Variants in SLC6A20 observed in about 807,000 individuals in gnomAD.
SLC6A20 encodes the protein solute carrier family 6 member 20, also known as sodium- and chloride-dependent transporter XTRP3.
A neutral mutation model predicts 64.3 loss-of-function variants in SLC6A20; 73 were observed. The observed-to-expected ratio is 1.14, with a 90% confidence interval of 0.94 to 1.38. The LOEUF is 1.38. SLC6A20 is among the 40% of genes most tolerant of loss of function. SLC6A20 has a pLI of 0.00. For synonymous variants in SLC6A20, 347 were observed against 329.6 expected, an observed-to-expected ratio of 1.05 and a Z score of -0.57; for missense variants, 725 against 772.8, an observed-to-expected ratio of 0.94 and a Z score of 0.73.
At chr3:45,775,739 C>A (rs575001121) in intron 4 of SLC6A20, 22 bp downstream of exon 4, 5 of 1,604,410 alleles carry the variant, frequency 3.1e-6, no homozygotes. Flanking sequence ...GAGCACCGGG[C>A]TTCTGTGCCT....
At chr3:45,780,824 T>C (rs929197670) in intron 2 of SLC6A20, among the ~76,000 whole-genome samples, 11 of 152,102 alleles carry the variant, frequency 7.2e-5, no homozygotes, top group African/African-American at 2.4e-4. Context: ...ATTTACCCCA[T>C]AGGCATCCGC....
chr3:45,759,991 G>C lies in SLC6A20; in HGVS notation c.1495C>G (p.Arg499Gly), dbSNP rs551737950. The part of the protein sequence containing the change: ...FESDLKAMTG[R>G]AVSWYWKVMW... ...ACCTTCCAGTACCAGCTCACAGCTC[G>C]GCCGGTCATGGCCTTAAGGTCACTT... Residue 499 changes from arginine to glycine, a missense_variant, in exon 10 of 11, where the codon CGA becomes GGA. Transcript: ENST00000358525. The C allele has an allele frequency of 6.2e-7, 1 of 1,612,502 alleles. No homozygotes were observed. The highest frequency in any genetic ancestry group is 2.2e-5 in the East Asian group (1 of 44,868).
At chr3:45,778,867 AAAG>A (rs1700021019) in intron 3 of SLC6A20, among the ~76,000 whole-genome samples, 1 of 152,154 alleles carries the variant, frequency 6.6e-6, no homozygotes, top group South Asian at 2.1e-4. Context: ...TGAACCAGGG[AAAG>A]AAGGAGGGAC....
chr3:45,763,556 G>T (rs1332040208), intron 8 of SLC6A20, among the ~76,000 whole-genome samples: 3 of 152,214 alleles, frequency 2.0e-5, no homozygotes, highest in Non-Finnish European at 2.9e-5. Context: ...GCAGGGAAGA[G>T]ACAAATGTCC....
At chr3:45,782,968 G>A (rs1700122128) in intron 1 of SLC6A20, among the ~76,000 whole-genome samples, 1 of 152,246 alleles carries the variant, frequency 6.6e-6, no homozygotes, top group Non-Finnish European at 1.5e-5. Context: ...CAATTGTGTT[G>A]TTAAATATGT....
intron 4 of SLC6A20, among the ~76,000 whole-genome samples, chr3:45,773,511 C>T (rs143917235): frequency 7.2e-4 from 110 of 152,258 alleles, no homozygotes; most frequent in African/African-American, 2.4e-3. Context: ...TTCAAGTGCA[C>T]GTGTGCCTAT....
intron 1 of SLC6A20, among the ~76,000 whole-genome samples, chr3:45,785,533 G>A (rs1390887811): frequency 5.3e-5 from 8 of 151,786 alleles, no homozygotes; most frequent in Non-Finnish European, 1.2e-4. Context: ...ACTCAGACTG[G>A]CTTTCCTTGA....
At chr3:45,790,800 T>C (rs1158213684) in intron 1 of SLC6A20, among the ~76,000 whole-genome samples, 1 of 152,232 alleles carries the variant, frequency 6.6e-6, no homozygotes, top group African/African-American at 2.4e-5. Flanking sequence ...TAGCCTGTTA[T>C]TTGGGGCCCT....
At chr3:45,779,471 T>G (rs1700031799) in intron 3 of SLC6A20, among the ~76,000 whole-genome samples, 1 of 152,182 alleles carries the variant, frequency 6.6e-6, no homozygotes, top group South Asian at 2.1e-4. Flanking sequence ...ATGGCCCTAT[T>G]GTGTTACAGG....
At chr3:45,781,876 C>G (rs1700090535) in intron 2 of SLC6A20, among the ~76,000 whole-genome samples, 1 of 152,174 alleles carries the variant, frequency 6.6e-6, no homozygotes, top group Non-Finnish European at 1.5e-5. Context: ...TCCTCCCTGT[C>G]TTACCGCCCT....
At chr3:45,782,894 C>A (rs959227274) in intron 1 of SLC6A20, among the ~76,000 whole-genome samples, 2 of 152,246 alleles carry the variant, frequency 1.3e-5, no homozygotes, top group African/African-American at 2.4e-5. Context: ...ACTGTCCCAG[C>A]CCTTCTGCCA....
At chr3:45,773,346 T>A (rs368097980) in intron 4 of SLC6A20, among the ~76,000 whole-genome samples, 65 of 152,244 alleles carry the variant, frequency 4.3e-4, no homozygotes, top group African/African-American at 1.5e-3. Context: ...TACACCTGAA[T>A]GGACATTTTT....
At chr3:45,761,227 C>CA (rs1300708237) in intron 9 of SLC6A20, among the ~76,000 whole-genome samples, 2 of 151,622 alleles carry the variant, frequency 1.3e-5, no homozygotes, top group African/African-American at 4.9e-5. Context: ...CCCATAACCC[C>CA]CCCCCCTTTC....
In SLC6A20 at chr3:45,759,931, T is replaced by C. The variant is rs746260348; in HGVS notation, c.1555A>G (p.Ser519Gly). 39 of 1,614,068 alleles carry C rather than the reference T, an allele frequency of 2.4e-5. No homozygotes were observed. Among genetic ancestry groups the C allele is most frequent in the Non-Finnish European group, 2.6e-5 (31 of 1,180,034 alleles). Residue 519 changes from serine to glycine, a missense_variant, in exon 10 of 11, where the codon AGC (serine) becomes GGC (glycine). Transcript: ENST00000358525. ...WAGVSPLLIV[S>G]LFVFYLSDYI... ...TCGCTCAGGTAGAAGACAAAGAGGC[T>C]GACAATCAGCAGTGGGCTTACGCCA...
rs769208739 is a variant in SLC6A20 at position 45,776,964 on chromosome 3, C to T, written c.355-976G>A. ...TGGTGCATGCATCATGACCATGACCCGAGGCCAAGTGGTAAACAGTGGTGC... is the reference window on the plus strand; with the variant it reads ...TGGTGCATGCATCATGACCATGACCTGAGGCCAAGTGGTAAACAGTGGTGC... On this transcript the variant is annotated intron_variant, in intron 3 of 10. Transcript: ENST00000358525. 1.1e-3 allele frequency among the ~76,000 whole-genome samples: 162 copies of T among 152,190 alleles called. 1 individual carries two copies. The highest frequency in any genetic ancestry group is 1.0e-3 in the Non-Finnish European group (71 of 67,998).
chr3:45,771,444 G>A lies in SLC6A20; in HGVS notation c.708C>T (p.Ala236=), dbSNP rs773238492. 3.7e-6 allele frequency: 6 copies of A among 1,614,088 alleles called. No homozygotes were observed. The highest frequency in any genetic ancestry group is 2.7e-5 in the African/African-American group (2 of 74,926). The change falls in exon 6 of 11, where the codon GCC becomes GCT. Residue 236 remains alanine (A), a synonymous_variant. Coordinates refer to ENST00000358525, the MANE Select transcript of SLC6A20 (RefSeq NM_020208.4). ...CTGCATTGATCCAGGCCTTGGGGTT[G>A]GCCAGCTGCTCTATCTGGAAGGCCA... ...YMFTPKIEQL[A]NPKAWINAAT... is the part of the protein sequence containing the mutation.
rs1414883535 is a variant in SLC6A20, at chr3:45,765,063, A to G, written c.1303+474T>C. Reference sequence around the variant, plus strand: ...CCCCTTCTCTACTAAAAATACAAAAATTAGCCAGGTGTCATGGCGTGCACC... The same window carrying G: ...CCCCTTCTCTACTAAAAATACAAAAGTTAGCCAGGTGTCATGGCGTGCACC... On this transcript the variant is annotated intron_variant, in intron 8 of 10. Coordinates refer to ENST00000358525, the MANE Select transcript of SLC6A20 (RefSeq NM_020208.4). The surrounding 1 kb of genome is among the most constrained non-coding windows in gnomAD (Gnocchi z 4.2). 1.3e-5 allele frequency among the ~76,000 whole-genome samples: 2 copies of G among 151,754 alleles called. No individual in the cohort carries two copies. Among genetic ancestry groups the G allele is most frequent in the African/African-American group, 2.4e-5 (1 of 41,260 alleles).
chr3:45,763,019 C>T lies in SLC6A20; in HGVS notation c.1357G>A (p.Gly453Arg), dbSNP rs867489501. The T allele has an allele frequency of 1.5e-5, 24 of 1,614,118 alleles. No homozygotes were observed. The highest frequency in any genetic ancestry group is 2.0e-5 in the Non-Finnish European group (24 of 1,180,018). The change falls in exon 9 of 11, where the codon GGG (glycine) becomes AGG (arginine). Residue 453 changes from glycine to arginine, a missense_variant. Physicochemically the swap from Gly to Arg is moderately radical, Grantham distance 125. Transcript: ENST00000358525. ...TTGAATATGTCAAACCAGTAGTTCC[C>T]AGCCTCCATCGTGAACACCATGCCA... ...AIGMVFTMEA[G>R]NYWFDIFNDY...
chr3:45,764,203 G>A (rs939048786), intron 8 of SLC6A20, among the ~76,000 whole-genome samples: 2 of 152,206 alleles, frequency 1.3e-5, no homozygotes, highest in Non-Finnish European at 2.9e-5. Context: ...GGAAAAGCCA[G>A]CTCATTTCCT....
Sources: gnomAD v4.1 joint callset for allele counts (sites outside exome capture counted in the v4.1 genomes callset) on GRCh38, gnomAD v4.1.1 for gene constraint, Gnocchi (gnomAD v3.1) non-coding constraint, MANE v1.5 for transcripts, NCBI Gene and HGNC (gene_info 2026-07-23, HGNC 2026-07-21) for gene names.